ANKIB1: variants seen among roughly 807,000 people sequenced by gnomAD.
ANKIB1 encodes the protein ankyrin repeat and IBR domain-containing protein 1.
A neutral mutation model predicts 122.1 loss-of-function variants in ANKIB1; 43 were observed. The ratio of observed to expected loss-of-function variants is 0.35; its 90% confidence interval spans 0.28 to 0.45. The LOEUF (loss-of-function observed/expected upper bound fraction) is 0.45. Among genes scored for constraint, ANKIB1 ranks in the 20% least tolerant of loss-of-function variants. ANKIB1 has a pLI of 1.00. For synonymous variants in ANKIB1, 390 were observed against 442.0 expected, an observed-to-expected ratio of 0.88 and a Z score of 1.48; for missense variants, 992 against 1,329.5, an observed-to-expected ratio of 0.75 and a Z score of 3.95.
chr7:92,344,858 AC>A, intron 6 of ANKIB1, 119 bp from the exon 7 acceptor site: 1 of 684,258 alleles, frequency 1.5e-6, no homozygotes, highest in Non-Finnish European at 2.4e-6. Flanking sequence ...GAAAGAGGTA[AC>A]TTTCAAAAAC....
intron 11 of ANKIB1, among the ~76,000 whole-genome samples, chr7:92,376,614 AATTTTTGT>A (rs1804388867): frequency 6.6e-6 from 1 of 151,548 alleles, no homozygotes; most frequent in Non-Finnish European, 1.5e-5. Context: ...ACACGTGGCT[AATTTTTGT>A]ATTTTTAGTA....
chr7:92,379,132 A>G (rs1585134268), intron 11 of ANKIB1, among the ~76,000 whole-genome samples: 1 of 152,324 alleles, frequency 6.6e-6, no homozygotes, highest in African/African-American at 2.4e-5. Context: ...GGCTCACGCC[A>G]GTAATTCCAG....
chr7:92,288,472 G>A (rs118111016), intron 1 of ANKIB1, among the ~76,000 whole-genome samples: 2,739 of 152,242 alleles, frequency 0.018, 31 homozygotes, highest in Non-Finnish European at 0.03. Context: ...CAGAAAAATA[G>A]AACACAGTCA....
At position 92,390,133 on chromosome 7, in the gene ANKIB1, T is replaced by C. The variant is rs758920937; in HGVS notation, c.2052+17T>C. 4 of 1,529,958 alleles carry C rather than the reference T, an allele frequency of 2.6e-6. No homozygotes were observed. The highest frequency in any genetic ancestry group is 3.5e-6 in the Non-Finnish European group (4 of 1,138,860). 94.8% of individuals were successfully genotyped at this position (1,529,958 alleles called of 1,614,324 possible). A position where few individuals can be genotyped will look rare whatever the true frequency, so the allele number is the denominator to read the frequency against. On this transcript the variant is annotated intron_variant, in intron 15 of 19. Coordinates refer to ENST00000265742, the MANE Select transcript of ANKIB1 (RefSeq NM_019004.2). ...CTAATGCAAGTAAGATTTTTTTAAT[T>C]ACATTTAAATGGCAGCAGTTATTAT...
intron 5 of ANKIB1, among the ~76,000 whole-genome samples, chr7:92,341,270 G>A (rs185620019): frequency 2.0e-5 from 3 of 149,310 alleles, no homozygotes; most frequent in East Asian, 2.0e-4. Flanking sequence ...AGATCATGCC[G>A]TTGCACTCCA....
At chr7:92,256,319 C>G (rs1054879964) in intron 1 of ANKIB1, among the ~76,000 whole-genome samples, 8 of 152,158 alleles carry the variant, frequency 5.3e-5, no homozygotes, top group Admixed American at 1.3e-4. Flanking sequence ...TGGACAAGAT[C>G]AGATTTGCCT....
intron 9 of ANKIB1, among the ~76,000 whole-genome samples, chr7:92,354,254 A>G (rs1214731663): frequency 6.6e-6 from 1 of 152,202 alleles, no homozygotes; most frequent in African/African-American, 2.4e-5. Context: ...CTAGAATAAC[A>G]TTTGGAGAAA....
intron 18 of ANKIB1, among the ~76,000 whole-genome samples, chr7:92,397,485 C>CAA (rs369628548): frequency 9.0e-6 from 1 of 111,496 alleles, no homozygotes; most frequent in Non-Finnish European, 1.9e-5. Context: ...GACTCCATCT[C>CAA]AAAAAAAAAA....
At chr7:92,354,839 A>G (rs550868270) in intron 9 of ANKIB1, among the ~76,000 whole-genome samples, 1 of 152,324 alleles carries the variant, frequency 6.6e-6, no homozygotes, top group East Asian at 1.9e-4. Context: ...AAGACGCTTT[A>G]CAAGAGAGAT....
intron 3 of ANKIB1, among the ~76,000 whole-genome samples, chr7:92,316,288 T>C (rs188140432): frequency 2.0e-3 from 305 of 152,336 alleles, no homozygotes; most frequent in African/African-American, 6.9e-3. Context: ...TAACTTTCTA[T>C]TTTGTCAAAG....
At chr7:92,263,023 A>C (rs990984850) in intron 1 of ANKIB1, among the ~76,000 whole-genome samples, 3 of 152,178 alleles carry the variant, frequency 2.0e-5, no homozygotes, top group African/African-American at 7.2e-5. Flanking sequence ...GCCAGGATTC[A>C]AACCAAGATT....
At position 92,331,249 on chromosome 7, in the gene ANKIB1, A is replaced by G. The variant is rs536759270; in HGVS notation, c.787+3349A>G. 9.9e-5 allele frequency among the ~76,000 whole-genome samples: 15 copies of G among 151,012 alleles called. No homozygotes were observed. The South Asian group carries it at 3.1e-3, about 32-fold the overall frequency. The stretch of plus-strand genomic sequence containing the variant: ...GACTGTGACTGACTGGAACATTGCC[A>G]TCTTAAACAACATCACTTCTTTTTT... On this transcript the variant is annotated intron_variant, in intron 5 of 19. Coordinates refer to ENST00000265742, the MANE Select transcript of ANKIB1 (RefSeq NM_019004.2).
chr7:92,252,153 T>C (rs1801342098), intron 1 of ANKIB1, among the ~76,000 whole-genome samples: 1 of 152,154 alleles, frequency 6.6e-6, no homozygotes, highest in African/African-American at 2.4e-5. Flanking sequence ...ATGCCACTAA[T>C]AGTGATATTG....
intron 1 of ANKIB1, among the ~76,000 whole-genome samples, chr7:92,259,701 T>A (rs1179041092): frequency 6.6e-6 from 1 of 152,152 alleles, no homozygotes; most frequent in Non-Finnish European, 1.5e-5. Context: ...CTAATAAGCT[T>A]CTCAAATGTA....
intron 5 of ANKIB1, among the ~76,000 whole-genome samples, chr7:92,342,711 G>A (rs936458034): frequency 1.3e-5 from 2 of 152,102 alleles, no homozygotes; most frequent in Non-Finnish European, 2.9e-5. Flanking sequence ...CTATGCCAGC[G>A]AAAATGTAGT....
At chr7:92,371,328 A>G in intron 10 of ANKIB1, 149 bp from the exon 11 acceptor site, 3 of 655,914 alleles carry the variant, frequency 4.6e-6, no homozygotes, top group Non-Finnish European at 7.6e-6. Flanking sequence ...GAAGCAGTTT[A>G]AAAGTGTTGC....
At chr7:92,353,264 G>C (rs1428613911) in intron 9 of ANKIB1, among the ~76,000 whole-genome samples, 1 of 152,076 alleles carries the variant, frequency 6.6e-6, no homozygotes, top group Non-Finnish European at 1.5e-5. Flanking sequence ...ATGACTGCAG[G>C]CTCGTTGTTT....
intron 7 of ANKIB1, among the ~76,000 whole-genome samples, chr7:92,345,688 G>T (rs1803522819): frequency 6.6e-6 from 1 of 152,120 alleles, no homozygotes; most frequent in Non-Finnish European, 1.5e-5. Flanking sequence ...GCTATAATGA[G>T]CACTGTAATG....
At chr7:92,304,070 T>C (rs1030845837) in intron 2 of ANKIB1, among the ~76,000 whole-genome samples, 2 of 151,532 alleles carry the variant, frequency 1.3e-5, no homozygotes, top group Admixed American at 1.3e-4. Context: ...ATGCAAGTAG[T>C]TAAAAAAAAA....
Sources: gnomAD v4.1 joint callset for allele counts (sites outside exome capture counted in the v4.1 genomes callset) on GRCh38, gnomAD v4.1.1 for gene constraint, MANE v1.5 for transcripts, NCBI Gene and HGNC (gene_info 2026-07-23, HGNC 2026-07-21) for gene names.